ADAMTS2: variants seen among roughly 807,000 people sequenced by gnomAD.
ADAMTS2 encodes ADAM metallopeptidase with thrombospondin type 1 motif 2.
ADAMTS2 carries 50 observed loss-of-function variants against 123.0 expected under a neutral mutation model. The ratio of observed to expected loss-of-function variants is 0.41; its 90% CI spans 0.32 to 0.51. The LOEUF (loss-of-function observed/expected upper bound fraction) is 0.51, where lower values mean the gene tolerates loss of function less well. Among genes scored for constraint, ADAMTS2 ranks in the 20% least tolerant of loss-of-function variants. The pLI is 0.35. For missense variants in ADAMTS2, 1,494 were observed against 1,705.2 expected (o/e 0.88, Z 2.18); for synonymous variants, 678 against 695.4 (o/e 0.98, Z 0.39).
intron 2 of ADAMTS2, among the ~76,000 whole-genome samples, chr5:179,306,446 GAA>G (rs1561717536): frequency 6.6e-6 from 1 of 152,200 alleles, no homozygotes; most frequent in African/African-American, 2.4e-5. Flanking sequence ...AACTAACAGA[GAA>G]AGAAACGTGC....
Position 179,242,360 on chromosome 5 carries a change from A to G in ADAMTS2, c.688+30551T>C, listed in dbSNP as rs4700789. The stretch of plus-strand genomic sequence containing the variant: ...TACCTTGAATGACCCTGACATATCC[A>G]GTGTCTTCTACCTTCCTTATTGCTG... On this transcript the variant is annotated intron_variant, in intron 3 of 21. Transcript: ENST00000251582. The surrounding 1 kb of genome is among the most constrained non-coding windows in gnomAD (Gnocchi z 4.2). Among the ~76,000 whole-genome samples the G allele has an allele frequency of 0.32, 48,086 of 152,008 alleles. 7,996 individuals are homozygous for G. The highest frequency in any genetic ancestry group is 0.35 in the Non-Finnish European group (23,651 of 67,960).
chr5:179,217,809 A>C (rs1447466450), intron 3 of ADAMTS2, among the ~76,000 whole-genome samples: 1 of 70,210 alleles, frequency 1.4e-5, no homozygotes, highest in African/African-American at 5.7e-5. Flanking sequence ...GGGGATGGGC[A>C]CACTCACTAG....
At chr5:179,338,946 G>A (rs2127461838) in intron 2 of ADAMTS2, among the ~76,000 whole-genome samples, 1 of 152,210 alleles carries the variant, frequency 6.6e-6, no homozygotes, top group South Asian at 2.1e-4. Context: ...GGAGAGTGGG[G>A]AGAGCCACGT....
chr5:179,225,150 C>T lies in ADAMTS2; in HGVS notation c.689-17435G>A, dbSNP rs946120492. ...TCCACACGGCAACTAACACTCAGCACGCACCAGGCTCCTCCTCCCTCTCAT... is the reference window on the plus strand; with the variant it reads ...TCCACACGGCAACTAACACTCAGCATGCACCAGGCTCCTCCTCCCTCTCAT... On this transcript the variant is annotated intron_variant, in intron 3 of 21. Coordinates refer to ENST00000251582, the MANE Select transcript of ADAMTS2 (RefSeq NM_014244.5). This position sits in a 1 kb window ranked among gnomAD's most constrained non-coding sequence, Gnocchi z 4.5. Among the ~76,000 whole-genome samples the T allele has an allele frequency of 1.2e-4, 18 of 152,326 alleles. No homozygotes were observed. Among genetic ancestry groups the T allele is most frequent in the Admixed American group, 3.9e-4 (6 of 15,302 alleles).
chr5:179,154,156 A>T lies in ADAMTS2; in HGVS notation c.1275T>A (p.Cys425Ter). The part of the protein sequence containing the change: ...GMEHDGQGNR[C>*]GDEVRLGSIM... ...TGCTGCCCAGCCGCACCTCGTCGCC[A>T]CAGCGGTTGCCCTGCCCGTCGTGCT... Residue 425 changes from cysteine (C) to a stop codon, truncating the protein, a stop_gained, in exon 8 of 22, where the codon TGT becomes TGA. Transcript: ENST00000251582. LOFTEE classifies it high-confidence loss of function. The T allele has an allele frequency of 6.4e-7, 1 of 1,573,844 alleles. No individual in the cohort carries two copies. The highest frequency in any genetic ancestry group is 1.2e-5 in the South Asian group (1 of 86,564).
At chr5:179,237,462 A>G (rs11741099) in intron 3 of ADAMTS2, among the ~76,000 whole-genome samples, 55,723 of 151,922 alleles carry the variant, frequency 0.37, 10,938 homozygotes, top group African/African-American at 0.48. Context: ...AGAAATAAAC[A>G]CTATGTAAGC....
rs1472521161 is a variant in ADAMTS2 at position 179,140,909 on chromosome 5, C to T, written c.1630-874G>A. On this transcript the variant is annotated intron_variant, in intron 10 of 21. Coordinates refer to ENST00000251582, the MANE Select transcript of ADAMTS2 (RefSeq NM_014244.5). ...CCGCCTCCTGGGTTCAAGCGATTCT[C>T]TTGCCTCAGCCTCCCGAGTAGCTGG... Among the ~76,000 whole-genome samples the T allele has an allele frequency of 2.0e-5, 3 of 148,834 alleles. No homozygotes were observed. In the East Asian group the frequency reaches 5.9e-4, roughly 29 times the overall value.
intron 3 of ADAMTS2, among the ~76,000 whole-genome samples, chr5:179,213,572 G>A (rs986899678): frequency 1.2e-4 from 19 of 152,170 alleles, no homozygotes; most frequent in African/African-American, 4.6e-4. Flanking sequence ...AGAAGGAGAG[G>A]CAGGTGCAGC....
In ADAMTS2 at chr5:179,307,870, T is replaced by A. The variant is rs971794984; in HGVS notation, c.535-34806A>T. On this transcript the variant is annotated intron_variant, in intron 2 of 21. Coordinates refer to ENST00000251582, the MANE Select transcript of ADAMTS2 (RefSeq NM_014244.5). The surrounding 1 kb of genome is among the most constrained non-coding windows in gnomAD (Gnocchi z 5.6). ...ACTCCACACTGCCATCCTGTCCTATTTTTTTGTAACACCATTTCCCAATCA... is the reference window on the plus strand; with the variant it reads ...ACTCCACACTGCCATCCTGTCCTATATTTTTGTAACACCATTTCCCAATCA... Among the ~76,000 whole-genome samples the A allele has an allele frequency of 6.6e-6, 1 of 152,176 alleles. No individual in the cohort carries two copies. The highest frequency in any genetic ancestry group is 1.5e-5 in the Non-Finnish European group (1 of 68,036).
chr5:179,205,832 T>G (rs1384308293), intron 4 of ADAMTS2, among the ~76,000 whole-genome samples: 1 of 151,736 alleles, frequency 6.6e-6, no homozygotes, highest in East Asian at 1.9e-4. Context: ...AGTGCAGTGG[T>G]GCGATCTCAG....
intron 3 of ADAMTS2, among the ~76,000 whole-genome samples, chr5:179,231,347 G>A (rs1246950749): frequency 6.6e-6 from 1 of 152,188 alleles, no homozygotes; most frequent in East Asian, 1.9e-4. Context: ...CTGACCATGT[G>A]GCACTGTGCA....
intron 2 of ADAMTS2, among the ~76,000 whole-genome samples, chr5:179,292,704 T>C (rs1862266): frequency 0.17 from 25,275 of 151,912 alleles, 3,074 homozygotes; most frequent in African/African-American, 0.34. Context: ...GGAGTCAGCT[T>C]GCCCAAGGTG....
chr5:179,211,900 C>T lies in ADAMTS2; in HGVS notation c.689-4185G>A, dbSNP rs1021080355. Among the ~76,000 whole-genome samples the T allele has an allele frequency of 3.3e-5, 5 of 152,188 alleles. No individual in the cohort carries two copies. In the East Asian group the frequency reaches 7.7e-4, roughly 24 times the overall value. On this transcript the variant is annotated intron_variant, in intron 3 of 21. Coordinates refer to ENST00000251582, the MANE Select transcript of ADAMTS2 (RefSeq NM_014244.5). ...TCCCCTCGCCAAGGTGGAGGCGTGT[C>T]ACCATCAGCATATCGTCCTATTTCA...
rs1338884130 is a variant in ADAMTS2, at chr5:179,189,785, TG to T, written c.892-8631del. On this transcript the variant is annotated intron_variant, in intron 4 of 21. Coordinates refer to ENST00000251582, the MANE Select transcript of ADAMTS2 (RefSeq NM_014244.5). This position sits in a 1 kb window ranked among gnomAD's most constrained non-coding sequence, Gnocchi z 4.2. Reference sequence around the variant, plus strand: ...CAAAGTATCTTCTTAAGGATGGGGGTGGGGAAGAATATTACTAAGTATCTTC... The same window carrying T: ...CAAAGTATCTTCTTAAGGATGGGGGTGGGAAGAATATTACTAAGTATCTTC... Among the ~76,000 whole-genome samples the T allele has an allele frequency of 8.7e-6, 1 of 115,440 alleles. No homozygotes were observed. Among genetic ancestry groups the T allele is most frequent in the Non-Finnish European group, 1.7e-5 (1 of 57,830 alleles). 75.7% of individuals were successfully genotyped at this position (115,440 alleles called of 152,430 possible).
intron 2 of ADAMTS2, among the ~76,000 whole-genome samples, chr5:179,327,477 C>G (rs987298426): frequency 2.0e-5 from 3 of 152,214 alleles, no homozygotes; most frequent in Non-Finnish European, 4.4e-5. Context: ...CGGTGCACTG[C>G]TCCCCAACCA....
intron 4 of ADAMTS2, 110 bp downstream of exon 4, chr5:179,207,403 A>G (rs1764723208): frequency 3.4e-6 from 4 of 1,185,708 alleles, no homozygotes; most frequent in Non-Finnish European, 4.9e-6. Context: ...CCGGCTAACA[A>G]GGAAATCGGC....
chr5:179,222,636 A>T (rs1232212576), intron 3 of ADAMTS2, among the ~76,000 whole-genome samples: 2 of 152,268 alleles, frequency 1.3e-5, no homozygotes, highest in Non-Finnish European at 2.9e-5. Context: ...CTTGCTTAAA[A>T]GCTGGTGTGA....
Position 179,345,101 on chromosome 5 carries a change from G to A in ADAMTS2, c.139+89C>T, listed in dbSNP as rs940838754. The A allele has an allele frequency of 3.1e-6, 3 of 975,462 alleles. No homozygotes were observed. Among genetic ancestry groups the A allele is most frequent in the Non-Finnish European group, 3.7e-6 (3 of 807,478 alleles). 60.4% of individuals were successfully genotyped at this position (975,462 alleles called of 1,614,324 possible). A position where few individuals can be genotyped will look rare whatever the true frequency, so the allele number is the denominator to read the frequency against. On this transcript the variant is annotated intron_variant, in intron 1 of 21. Transcript: ENST00000251582. The surrounding 1 kb of genome is among the most constrained non-coding windows in gnomAD (Gnocchi z 7.5). Reference sequence around the variant, plus strand: ...GCGCGGAGTTTGCCCAAGTCAGGCTGGACGACGCCTGGGGAGGGGGCGGCG... The same window carrying A: ...GCGCGGAGTTTGCCCAAGTCAGGCTAGACGACGCCTGGGGAGGGGGCGGCG...
chr5:179,245,803 A>C (rs867956343), intron 3 of ADAMTS2, among the ~76,000 whole-genome samples: 7 of 140,370 alleles, frequency 5.0e-5, no homozygotes, highest in African/African-American at 1.6e-4. Context: ...AAACAAAAAA[A>C]ACAAAGATGG....
Sources: gnomAD v4.1 joint callset for allele counts (sites outside exome capture counted in the v4.1 genomes callset) on GRCh38, gnomAD v4.1.1 for gene constraint, Gnocchi (gnomAD v3.1) non-coding constraint, MANE v1.5 for transcripts, NCBI Gene and HGNC (gene_info 2026-07-23, HGNC 2026-07-21) for gene names.